Variants in LRRC37A2 observed in about 807,000 individuals in gnomAD.
LRRC37A2 encodes leucine-rich repeat-containing protein 37A2.
Under a neutral mutation model 68.8 loss-of-function variants are expected in LRRC37A2, and 9 were observed. The observed-to-expected ratio is 0.13, with a 90% confidence interval of 0.08 to 0.23. LRRC37A2 has a LOEUF of 0.23. Ranked by LOEUF, LRRC37A2 falls within the 10% of genes least tolerant of loss-of-function variation. The pLI is 1.00. For missense variants in LRRC37A2, 168 were observed against 950.4 expected, an observed-to-expected ratio of 0.18 and a Z score of 10.82; for synonymous variants, 63 against 367.6, an observed-to-expected ratio of 0.17 and a Z score of 9.48.
the LRRC37A2 span, chr17:46,886,473 T>TTA: frequency 6.6e-6 from 1 of 152,106 alleles, no homozygotes; most frequent in Non-Finnish European, 1.5e-5. Flanking sequence ...AACTTGGGAG[T>TTA]ATACTCCTAA....
chr17:46,982,581 A>C, the LRRC37A2 span, among the ~76,000 whole-genome samples: 1 of 152,222 alleles, frequency 6.6e-6, no homozygotes, highest in Non-Finnish European at 1.5e-5. Flanking sequence ...GACTTACTTA[A>C]GATCACGCAG....
At chr17:46,418,226 T>TGTGC in the LRRC37A2 span, among the ~76,000 whole-genome samples, 10 of 67,092 alleles carry the variant, frequency 1.5e-4, no homozygotes, top group Admixed American at 3.3e-4. Context: ...TGTGTGTGTG[T>TGTGC]GTGTGTGTGC....
At chr17:46,900,202 T>TATATATACACACACAC in the LRRC37A2 span, among the ~76,000 whole-genome samples, 28 of 101,164 alleles carry the variant, frequency 2.8e-4, no homozygotes, top group African/African-American at 1.3e-3. Context: ...TATATATATA[T>TATATATACACACACAC]ACACACACAC....
At chr17:46,900,180 T>TATATATATATAC in the LRRC37A2 span, among the ~76,000 whole-genome samples, 2 of 117,234 alleles carry the variant, frequency 1.7e-5, no homozygotes, top group African/African-American at 9.3e-5. Context: ...TATATATATA[T>TATATATATATAC]ATATATATAT....
chr17:46,715,981 T>A, the LRRC37A2 span, among the ~76,000 whole-genome samples: 1 of 152,212 alleles, frequency 6.6e-6, no homozygotes, highest in East Asian at 1.9e-4. Context: ...ATATTAGAAT[T>A]TTTGGTTTTC....
At chr17:46,676,272 G>T in the LRRC37A2 span, among the ~76,000 whole-genome samples, 50 of 125,626 alleles carry the variant, frequency 4.0e-4, 1 homozygote, top group Admixed American at 3.7e-3. Flanking sequence ...TGCTCTTGTT[G>T]CCCAGGCTGG....
the LRRC37A2 span, among the ~76,000 whole-genome samples, chr17:46,934,577 C>A: frequency 1.3e-5 from 2 of 152,138 alleles, no homozygotes; most frequent in Non-Finnish European, 2.9e-5. Flanking sequence ...AACTCTCAGT[C>A]TACTTGGAGA....
the LRRC37A2 span, among the ~76,000 whole-genome samples, chr17:46,855,065 G>C: frequency 1.3e-5 from 2 of 151,532 alleles, no homozygotes; most frequent in African/African-American, 4.9e-5. Flanking sequence ...CTGAAGGTCA[G>C]AAAGGTTCAG....
the LRRC37A2 span, among the ~76,000 whole-genome samples, chr17:46,845,713 C>T: frequency 6.6e-6 from 1 of 151,002 alleles, no homozygotes; most frequent in South Asian, 2.1e-4. Context: ...TGCTCTCAAA[C>T]TCCTGACCTT....
At chr17:46,876,505 A>G in the LRRC37A2 span, 9 of 1,613,436 alleles carry the variant, frequency 5.6e-6, no homozygotes, top group Non-Finnish European at 6.8e-6. Flanking sequence ...TGGAGGACTC[A>G]CCCAGCTTCT....
At chr17:46,839,481 G>A in the LRRC37A2 span, among the ~76,000 whole-genome samples, 20 of 152,312 alleles carry the variant, frequency 1.3e-4, no homozygotes, top group African/African-American at 3.1e-4. Context: ...CAACGCAGGC[G>A]TCAAGGCAGC....
the LRRC37A2 span, chr17:46,851,622 G>A: frequency 1.6e-6 from 2 of 1,249,244 alleles, no homozygotes; most frequent in Non-Finnish European, 2.0e-6. This position sits in a 1 kb window ranked among gnomAD's most constrained non-coding sequence, Gnocchi z 4.3. Flanking sequence ...GCTAGAGGGC[G>A]CAGCGCCGCC....
the LRRC37A2 span, among the ~76,000 whole-genome samples, chr17:46,779,402 G>A: frequency 2.0e-5 from 3 of 152,128 alleles, no homozygotes; most frequent in African/African-American, 4.8e-5. Context: ...AGCTGGGCCA[G>A]GGGCTATTTA....
At chr17:46,779,760 CT>C in the LRRC37A2 span, among the ~76,000 whole-genome samples, 127,653 of 151,856 alleles carry the variant, frequency 0.84, 53,953 homozygotes, top group East Asian at 1. Context: ...CAGAGAGGAC[CT>C]TTTTTTTTCT....
At chr17:46,961,684 TATG>T in the LRRC37A2 span, among the ~76,000 whole-genome samples, 2 of 152,230 alleles carry the variant, frequency 1.3e-5, no homozygotes, top group African/African-American at 4.8e-5. Flanking sequence ...GGTCCAGCTG[TATG>T]ATGTGTACCT....
At chr17:46,973,383 G>A in the LRRC37A2 span, among the ~76,000 whole-genome samples, 3 of 151,692 alleles carry the variant, frequency 2.0e-5, no homozygotes, top group African/African-American at 4.8e-5. Context: ...GGCTGGTCTC[G>A]AACTCGTGGG....
chr17:46,849,567 T>G, the LRRC37A2 span, among the ~76,000 whole-genome samples: 1 of 152,188 alleles, frequency 6.6e-6, no homozygotes, highest in East Asian at 1.9e-4. Flanking sequence ...TGATCGTGGT[T>G]CAAAATCTTA....
the LRRC37A2 span, among the ~76,000 whole-genome samples, chr17:47,004,335 A>C: frequency 6.6e-6 from 1 of 152,156 alleles, no homozygotes. Context: ...ACCTTTTTAA[A>C]GGTATGTTTG....
chr17:46,769,315 C>CAAAAA, the LRRC37A2 span, among the ~76,000 whole-genome samples: 2 of 102,850 alleles, frequency 1.9e-5, no homozygotes, highest in African/African-American at 3.6e-5. Flanking sequence ...GACTCCGTCT[C>CAAAAA]AAAAAAAAAA....
Sources: allele counts gnomAD v4.1 joint callset (sites outside exome capture counted in the v4.1 genomes callset), GRCh38; gene constraint gnomAD v4.1.1; non-coding constraint Gnocchi (gnomAD v3.1); transcripts MANE v1.5; gene names NCBI Gene and HGNC (gene_info 2026-07-23, HGNC 2026-07-21).